COL4A3: variants seen among roughly 807,000 people sequenced by gnomAD.
The protein encoded by COL4A3 is collagen type IV alpha 3 chain.
Under a neutral mutation model 217.4 loss-of-function variants are expected in COL4A3, and 135 were observed. The observed-to-expected ratio is 0.62, with a 90% CI of 0.54 to 0.72. The LOEUF (loss-of-function observed/expected upper bound fraction) is 0.72. COL4A3 is among the 30% of genes least tolerant of loss of function. COL4A3 has a pLI of 0.00. For synonymous variants in COL4A3, 690 were observed against 736.3 expected (o/e 0.94, Z 1.02); for missense variants, 1,868 against 2,119.9 (o/e 0.88, Z 2.33).
intron 5 of COL4A3, among the ~76,000 whole-genome samples, chr2:227,245,522 A>AC (rs34734872): frequency 6.6e-6 from 1 of 152,084 alleles, no homozygotes; most frequent in Non-Finnish European, 1.5e-5. Context: ...CCTGGAACTA[A>AC]CCCCCACAGG....
rs767337248 is a variant in COL4A3 at position 227,297,696 on chromosome 2, C to T, written c.3588C>T (p.Ala1196=). The T allele has an allele frequency of 7.5e-6, 12 of 1,608,618 alleles. No individual in the cohort carries two copies. The South Asian group carries it at 1.1e-4, about 15-fold the overall frequency. ...GAQGAKGDRG[A]PGFPGLPGRK... is the part of the protein sequence containing the mutation. The stretch of plus-strand genomic sequence containing the variant: ...CAGGAGCCAAAGGAGACAGGGGAGC[C>T]CCAGGTTTTCCTGGCCTCCCGGGCA... The change falls in exon 42 of 52, where the codon GCC becomes GCT. Residue 1196 remains alanine (A), a synonymous_variant. Coordinates refer to ENST00000396578, the MANE Select transcript of COL4A3 (RefSeq NM_000091.5).
In COL4A3 at chr2:227,164,940, G is replaced by A. The variant is rs2125610820; in HGVS notation, c.87+127G>A. The A allele has an allele frequency of 2.5e-6, 3 of 1,181,008 alleles. No homozygotes were observed. The South Asian group carries it at 5.2e-5, about 20-fold the overall frequency. The allele number at this position is 1,181,008 out of a possible 1,614,324, so 73.2% of individuals were successfully genotyped here. On this transcript the variant is annotated intron_variant, in intron 1 of 51. Coordinates refer to ENST00000396578, the MANE Select transcript of COL4A3 (RefSeq NM_000091.5). The surrounding 1 kb of genome is among the most constrained non-coding windows in gnomAD (Gnocchi z 4.8). ...GCTGCCGGGCTAGTGGCGAGGCTGA[G>A]GGCTTCACGCAGGTCCCGGGACAGG...
At chr2:227,231,709 C>A (rs1259040386) in intron 1 of COL4A3, among the ~76,000 whole-genome samples, 3 of 152,052 alleles carry the variant, frequency 2.0e-5, no homozygotes, top group African/African-American at 4.8e-5. Flanking sequence ...GTTTTCATTT[C>A]TTTGTAGAGA....
rs2072018356 is a variant in COL4A3 at position 227,282,272 on chromosome 2, A to AT, written c.2489-93_2489-92insT. 2.2e-6 allele frequency: 1 copy of AT among 447,970 alleles called. No individual in the cohort carries two copies. The allele number at this position is 447,970 out of a possible 1,614,324, so 27.7% of individuals were successfully genotyped here. On this transcript the variant is annotated intron_variant, in intron 31 of 51. Coordinates refer to ENST00000396578, the MANE Select transcript of COL4A3 (RefSeq NM_000091.5). The surrounding 1 kb of genome is among the most constrained non-coding windows in gnomAD (Gnocchi z 4.4). ...AGAAGACAGAGGGAGATTCCATCTT[A>AT]AAAATATATATATATATATATATAT...
At chr2:227,202,541 G>A (rs984152733) in intron 1 of COL4A3, among the ~76,000 whole-genome samples, 2 of 150,944 alleles carry the variant, frequency 1.3e-5, no homozygotes, top group African/African-American at 4.9e-5. Flanking sequence ...TCAGGAGATC[G>A]AGACCATCTT....
At position 227,257,663 on chromosome 2, in the gene COL4A3, A is replaced by T; in HGVS notation, c.1029+19A>T. On this transcript the variant is annotated intron_variant, in intron 18 of 51. Transcript: ENST00000396578. ...TGGTCCAGTAAGTGTGATTAAAGACAATATCAATGCTATGTTTGATCAAGT... is the reference window on the plus strand; with the variant it reads ...TGGTCCAGTAAGTGTGATTAAAGACTATATCAATGCTATGTTTGATCAAGT... 2.5e-6 allele frequency: 4 copies of T among 1,609,096 alleles called. No individual in the cohort carries two copies. The highest frequency in any genetic ancestry group is 3.4e-6 in the Non-Finnish European group (4 of 1,175,430).
At chr2:227,301,768 G>A (rs1005800234) in intron 43 of COL4A3, 2 of 152,236 alleles carry the variant, frequency 1.3e-5, no homozygotes, top group African/African-American at 4.8e-5. Context: ...GATAACCCTG[G>A]CAACATGCCC....
intron 1 of COL4A3, among the ~76,000 whole-genome samples, chr2:227,220,647 G>A (rs1055672012): frequency 6.6e-6 from 1 of 151,234 alleles, no homozygotes; most frequent in Admixed American, 6.6e-5. Flanking sequence ...TTTATTTTTT[G>A]TAGAGACAGA....
intron 1 of COL4A3, among the ~76,000 whole-genome samples, chr2:227,227,433 C>G (rs1213330561): frequency 6.6e-6 from 1 of 152,068 alleles, no homozygotes; most frequent in African/African-American, 2.4e-5. Context: ...CCCATCTCTA[C>G]TGGAGAATCA....
At chr2:227,261,423 A>G (rs1004345485) in intron 20 of COL4A3, among the ~76,000 whole-genome samples, 6 of 152,230 alleles carry the variant, frequency 3.9e-5, no homozygotes, top group Admixed American at 3.3e-4. Context: ...GCTAGTCGGG[A>G]GGCTGAGGCA....
At chr2:227,197,864 C>T (rs563758911) in intron 1 of COL4A3, among the ~76,000 whole-genome samples, 1 of 152,282 alleles carries the variant, frequency 6.6e-6, no homozygotes, top group South Asian at 2.1e-4. Context: ...AAGGAAATGG[C>T]AGAGAGGAGA....
chr2:227,257,694 A>G (rs748971015), intron 18 of COL4A3, 50 bp downstream of exon 18: 43 of 1,536,292 alleles, frequency 2.8e-5, no homozygotes, highest in Non-Finnish European at 3.5e-5. Flanking sequence ...CAAGTTCTTT[A>G]AAGTAGCAAG....
At chr2:227,177,630 G>A (rs1303839817) in intron 1 of COL4A3, among the ~76,000 whole-genome samples, 3 of 152,138 alleles carry the variant, frequency 2.0e-5, no homozygotes, top group African/African-American at 7.2e-5. Flanking sequence ...TTAGTTACCT[G>A]TGGTCAATGG....
In COL4A3 at chr2:227,259,816, G is replaced by A. The variant is rs1559875421; in HGVS notation, c.1053G>A (p.Gln351=). 1.2e-6 allele frequency: 2 copies of A among 1,613,412 alleles called. No individual in the cohort carries two copies. The highest frequency in any genetic ancestry group is 1.1e-5 in the South Asian group (1 of 91,060). Residue 351 remains glutamine (Q), a synonymous_variant, in exon 19 of 52, where the codon CAG becomes CAA. Transcript: ENST00000396578. ...RGPTEYYDTY[Q]EKGDEGTPGP... ...AGACAGAATATTATGACACATACCAGGAAAAGGGAGATGAAGGCACTCCAG... is the reference window on the plus strand; with the variant it reads ...AGACAGAATATTATGACACATACCAAGAAAAGGGAGATGAAGGCACTCCAG...
rs1553762113 is a variant in COL4A3 at position 227,290,008 on chromosome 2, G to A, written c.2990G>A (p.Gly997Glu). ...PGPAGPPGPRGDLGSTGNPGE... is the reference protein window; with the variant it reads ...PGPAGPPGPREDLGSTGNPGE... ...CTTATTTGTTCTCAAGGCCCCAGAG[G>A]AGATTTGGGCAGCACTGGGAATCCT... Residue 997 changes from glycine to glutamate, a missense_variant, in exon 36 of 52, where the codon GGA (glycine) becomes GAA (glutamate). Around this residue, in one of 2 missense-constraint regions of COL4A3, gnomAD observed 1,503 missense variants for 1,786.1 expected, o/e 0.84. Transcript: ENST00000396578. 1 of 1,614,112 alleles carries A rather than the reference G, an allele frequency of 6.2e-7. No individual in the cohort carries two copies. Among genetic ancestry groups the A allele is most frequent in the East Asian group, 2.2e-5 (1 of 44,886 alleles).
Position 227,240,217 on chromosome 2 carries a change from A to C in COL4A3, c.219A>C (p.Gly73=), listed in dbSNP as rs2068941563. The change falls in exon 3 of 52, where the codon GGA becomes GGC. Residue 73 remains glycine, a synonymous_variant. Transcript: ENST00000396578. ...KGFTGPEGLP[G]PQGPKGFPGL... ...TCACAGGTCCTGAAGGCTTGCCTGG[A>C]CCGCAGGGACCCAAGGTATGTCATC... The C allele has an allele frequency of 3.1e-6, 5 of 1,610,500 alleles. No individual in the cohort carries two copies. Among genetic ancestry groups the C allele is most frequent in the Non-Finnish European group, 4.2e-6 (5 of 1,178,596 alleles).
At chr2:227,195,130 C>T (rs577646551) in intron 1 of COL4A3, among the ~76,000 whole-genome samples, 19 of 152,082 alleles carry the variant, frequency 1.2e-4, no homozygotes, top group South Asian at 8.3e-4. Flanking sequence ...TTCAACAGTT[C>T]GGTGCATAGA....
chr2:227,301,129 G>C (rs1252322807), intron 43 of COL4A3, among the ~76,000 whole-genome samples: 1 of 115,592 alleles, frequency 8.7e-6, no homozygotes, highest in Middle Eastern at 4.7e-3. Context: ...TTTGTGCCCA[G>C]AGTTTGCTCT....
rs2073445964 is a variant in COL4A3 at position 227,305,041 on chromosome 2, C to A, written c.4210C>A (p.Pro1404Thr). 6.2e-7 allele frequency: 1 copy of A among 1,613,784 alleles called. No homozygotes were observed. The highest frequency in any genetic ancestry group is 1.1e-5 in the South Asian group (1 of 91,056). The change falls in exon 47 of 52, where the codon CCA becomes ACA. Residue 1404 changes from proline (P) to threonine (T), a missense_variant. Physicochemically the swap from Pro to Thr is conservative, Grantham distance 38. Around this residue, in one of 2 missense-constraint regions of COL4A3, gnomAD observed 1,503 missense variants for 1,786.1 expected, o/e 0.84. Transcript: ENST00000396578. ...GKDGKPGTPG[P>T]AGEKGNKGSK... Reference sequence around the variant, plus strand: ...GGATGGAAAACCAGGAACTCCTGGACCAGCTGGAGAAAAAGGCAACAAAGG... The same window carrying A: ...GGATGGAAAACCAGGAACTCCTGGAACAGCTGGAGAAAAAGGCAACAAAGG...
Sources: allele counts gnomAD v4.1 joint callset (sites outside exome capture counted in the v4.1 genomes callset), GRCh38; gene constraint gnomAD v4.1.1; regional missense constraint gnomAD v4.1.1; non-coding constraint Gnocchi (gnomAD v3.1); transcripts MANE v1.5; gene names NCBI Gene and HGNC (gene_info 2026-07-23, HGNC 2026-07-21).